The following MAGI2 variants were observed in gnomAD, a reference collection of about 807,000 sequenced individuals.
MAGI2 encodes membrane associated guanylate kinase, WW and PDZ domain containing 2, also known as membrane-associated guanylate kinase, WW and PDZ domain-containing protein 2.
Under a neutral mutation model 133.3 loss-of-function variants are expected in MAGI2, and 35 were observed. The ratio of observed to expected loss-of-function variants is 0.26; its 90% confidence interval spans 0.20 to 0.35. The LOEUF is 0.35. Ranked by LOEUF, MAGI2 falls within the 10% of genes least tolerant of loss-of-function variation. The probability of loss-of-function intolerance (pLI) is 1.00; values close to 1 mark genes in which losing one functional copy is unlikely to be tolerated. For synonymous variants in MAGI2, 729 were observed against 710.6 expected, an observed-to-expected ratio of 1.03 and a Z score of -0.41; for missense variants, 1,636 against 1,863.4, an observed-to-expected ratio of 0.88 and a Z score of 2.25.
chr7:78,412,795 C>A (rs1481449023), intron 6 of MAGI2, among the ~76,000 whole-genome samples: 1 of 152,042 alleles, frequency 6.6e-6, no homozygotes, highest in Non-Finnish European at 1.5e-5. Context: ...GCTTTTAAAC[C>A]TAAATTGTTT....
chr7:78,469,555 G>A (rs1790978034), intron 6 of MAGI2, among the ~76,000 whole-genome samples: 1 of 151,906 alleles, frequency 6.6e-6, no homozygotes, highest in South Asian at 2.1e-4. Context: ...ATTAGCCCAG[G>A]TAAAAAAAAA....
At chr7:78,688,229 A>G (rs1416344726) in intron 2 of MAGI2, among the ~76,000 whole-genome samples, 2 of 152,156 alleles carry the variant, frequency 1.3e-5, no homozygotes, top group South Asian at 2.1e-4. Flanking sequence ...AAAATGAGCT[A>G]TCACCTATTT....
chr7:79,367,858 C>CACATATATATATATATAT, intron 1 of MAGI2, among the ~76,000 whole-genome samples: 2 of 87,114 alleles, frequency 2.3e-5, no homozygotes, highest in African/African-American at 9.3e-5. Context: ...ATATATGTGA[C>CACATATATATATATATAT]ATATATATAT....
At chr7:78,519,120 C>T (rs1198537313) in intron 4 of MAGI2, 2 of 121,972 alleles carry the variant, frequency 1.6e-5, no homozygotes, top group Non-Finnish European at 3.3e-5. Flanking sequence ...AGGGCAGAGA[C>T]ACTGTGCTAA....
At chr7:78,147,045 C>A (rs1466152660) in intron 16 of MAGI2, among the ~76,000 whole-genome samples, 1 of 152,138 alleles carries the variant, frequency 6.6e-6, no homozygotes, top group Non-Finnish European at 1.5e-5. Flanking sequence ...CCTCCTGAGC[C>A]AGCTGTCCTT....
At chr7:78,788,412 A>G (rs921545919) in intron 2 of MAGI2, among the ~76,000 whole-genome samples, 17 of 151,996 alleles carry the variant, frequency 1.1e-4, no homozygotes, top group African/African-American at 3.9e-4. Flanking sequence ...TCCATCCAAC[A>G]TTTCCATTTT....
intron 6 of MAGI2, among the ~76,000 whole-genome samples, chr7:78,441,324 C>G (rs117722741): frequency 0.061 from 9,211 of 152,222 alleles, 364 homozygotes; most frequent in Non-Finnish European, 0.079. Context: ...AATGTGGAAT[C>G]TGTGGCTTTC....
At chr7:78,232,947 T>C (rs2150879651) in intron 10 of MAGI2, among the ~76,000 whole-genome samples, 1 of 152,268 alleles carries the variant, frequency 6.6e-6, no homozygotes, top group South Asian at 2.1e-4. Context: ...TTAAGGAGCT[T>C]CAAGTGGTAT....
chr7:78,459,624 G>A (rs981849251), intron 6 of MAGI2, among the ~76,000 whole-genome samples: 1 of 152,170 alleles, frequency 6.6e-6, no homozygotes, highest in Non-Finnish European at 1.5e-5. Context: ...AATTAAGTGT[G>A]CAATGAATCC....
intron 1 of MAGI2, among the ~76,000 whole-genome samples, chr7:79,338,630 A>T (rs1203639763): frequency 6.6e-6 from 1 of 152,098 alleles, no homozygotes; most frequent in Non-Finnish European, 1.5e-5. Context: ...GCAATATGTG[A>T]CATGTACGTT....
chr7:78,351,891 G>C (rs1371850360), intron 7 of MAGI2: 3 of 152,082 alleles, frequency 2.0e-5, no homozygotes, highest in Admixed American at 6.5e-5. Flanking sequence ...AAGAAGACAG[G>C]ATAGTATAAT....
chr7:78,709,397 T>C (rs73150717), intron 2 of MAGI2, among the ~76,000 whole-genome samples: 7,555 of 152,214 alleles, frequency 0.05, 271 homozygotes, highest in Non-Finnish European at 0.077. Context: ...TTTATCTCCT[T>C]CTTTTCTAAG....
intron 13 of MAGI2, among the ~76,000 whole-genome samples, chr7:78,183,227 A>T (rs969902419): frequency 1.3e-5 from 2 of 151,792 alleles, no homozygotes; most frequent in Non-Finnish European, 2.9e-5. Flanking sequence ...GACAAAAAAC[A>T]TGGGGCATCT....
At chr7:78,369,251 T>C (rs1286237369) in intron 6 of MAGI2, 38 bp from the exon 7 acceptor site, 6 of 1,350,488 alleles carry the variant, frequency 4.4e-6, no homozygotes, top group Non-Finnish European at 6.3e-6. Context: ...ATAAAGAATA[T>C]CACAATTTCT....
At chr7:78,985,586 A>G (rs1805180164) in intron 2 of MAGI2, among the ~76,000 whole-genome samples, 1 of 151,990 alleles carries the variant, frequency 6.6e-6, no homozygotes, top group Non-Finnish European at 1.5e-5. Context: ...TCAGGCAGTA[A>G]AATAGTCCTT....
intron 1 of MAGI2, among the ~76,000 whole-genome samples, chr7:79,140,716 A>G (rs1374020586): frequency 7.9e-5 from 12 of 152,198 alleles, no homozygotes. Flanking sequence ...ATTCTAGGGT[A>G]TATTTTCAAA....
intron 9 of MAGI2, among the ~76,000 whole-genome samples, chr7:78,279,900 G>T (rs1472483903): frequency 1.3e-5 from 2 of 152,152 alleles, no homozygotes; most frequent in Non-Finnish European, 2.9e-5. Context: ...ACTGAAAAGT[G>T]TAAGATTTGC....
At chr7:78,053,885 A>G (rs1044940773) in intron 21 of MAGI2, among the ~76,000 whole-genome samples, 3 of 152,132 alleles carry the variant, frequency 2.0e-5, no homozygotes, top group African/African-American at 7.2e-5. Flanking sequence ...CAGCAGTCCA[A>G]ACTGAACCTC....
intron 2 of MAGI2, among the ~76,000 whole-genome samples, chr7:78,900,899 A>C (rs1332213346): frequency 1.3e-5 from 2 of 152,160 alleles, no homozygotes; most frequent in Non-Finnish European, 2.9e-5. Context: ...TGAGTTGCCT[A>C]CAAGTCCTGT....
Sources: allele counts gnomAD v4.1 joint callset (sites outside exome capture counted in the v4.1 genomes callset), GRCh38; gene constraint gnomAD v4.1.1; transcripts MANE v1.5; gene names NCBI Gene and HGNC (gene_info 2026-07-23, HGNC 2026-07-21).